MYO6: variants seen among roughly 807,000 people sequenced by gnomAD.
The protein encoded by MYO6 is unconventional myosin-VI.
A neutral mutation model predicts 178.7 loss-of-function variants in MYO6; 74 were observed. The ratio of observed to expected loss-of-function variants is 0.41; its 90% CI spans 0.34 to 0.50. The LOEUF (loss-of-function observed/expected upper bound fraction) is 0.50. Among genes scored for constraint, MYO6 ranks in the 20% least tolerant of loss-of-function variants. The pLI, the probability that MYO6 is intolerant of heterozygous loss-of-function variation, is 0.09. For missense variants in MYO6, 1,330 were observed against 1,547.4 expected (o/e 0.86, Z 2.36); for synonymous variants, 477 against 504.6 (o/e 0.95, Z 0.73).
chr6:75,838,522 A>T lies in MYO6; in HGVS notation c.554-2063A>T, dbSNP rs1773875521. ...TTCTTATCCTATTTTGGGATATTTT[A>T]CTTGTATTAAATTCTTCAGCAAAAA... On this transcript the variant is annotated intron_variant, in intron 7 of 34. Coordinates refer to ENST00000369977, the MANE Select transcript of MYO6 (RefSeq NM_004999.4). 2.0e-5 allele frequency among the ~76,000 whole-genome samples: 3 copies of T among 152,150 alleles called. No homozygotes were observed. In the South Asian group the frequency reaches 6.2e-4, roughly 32 times the overall value.
intron 29 of MYO6, 46 bp downstream of exon 29, chr6:75,895,306 T>C (rs769430950): frequency 6.9e-7 from 1 of 1,456,394 alleles, no homozygotes; most frequent in South Asian, 1.2e-5. Context: ...TGTAGATACT[T>C]TTTGGGAGTA....
At position 75,858,078 on chromosome 6, in the gene MYO6, T is replaced by A. The variant is rs192183907; in HGVS notation, c.1381+824T>A. Among the ~76,000 whole-genome samples the A allele has an allele frequency of 2.2e-5, 3 of 139,494 alleles. No homozygotes were observed. In the East Asian group the frequency reaches 6.1e-4, roughly 28 times the overall value. The allele number at this position is 139,494 out of a possible 152,430, so 91.5% of individuals were successfully genotyped here. ...GTAGAGAATTATTATTATTATTAATTTTTTTTCCTTTTCTACAACAGTTTT... is the reference window on the plus strand; with the variant it reads ...GTAGAGAATTATTATTATTATTAATATTTTTTCCTTTTCTACAACAGTTTT... On this transcript the variant is annotated intron_variant, in intron 13 of 34. Transcript: ENST00000369977.
Position 75,862,449 on chromosome 6 carries a change from C to T in MYO6, c.1547-147C>T. On this transcript the variant is annotated intron_variant, in intron 15 of 34. Coordinates refer to ENST00000369977, the MANE Select transcript of MYO6 (RefSeq NM_004999.4). ...GATTTGAAATAAAAATCCGTCAGCT[C>T]TCTATAACTTTTGAGAGAACACATA... is the stretch of plus-strand genomic sequence containing the variant. The T allele has an allele frequency of 4.1e-6, 3 of 736,422 alleles. No homozygotes were observed. The South Asian group carries it at 5.0e-5, about 12-fold the overall frequency. 45.6% of individuals were successfully genotyped at this position (736,422 alleles called of 1,614,324 possible).
intron 1 of MYO6, among the ~76,000 whole-genome samples, chr6:75,777,909 C>T (rs1182564397): frequency 6.6e-6 from 1 of 152,104 alleles, no homozygotes; most frequent in African/African-American, 2.4e-5. Flanking sequence ...TTTAATACAG[C>T]ATAGAATCAA....
chr6:75,873,232 A>G lies in MYO6; in HGVS notation c.2009A>G (p.Lys670Arg). Residue 670 changes from lysine to arginine, a missense_variant, in exon 20 of 35, where the codon AAA (lysine) becomes AGA (arginine). This residue lies in a region of MYO6 where 613 missense variants were observed against 816.8 expected (regional missense o/e 0.75). Coordinates refer to ENST00000369977, the MANE Select transcript of MYO6 (RefSeq NM_004999.4). ...GGAGCAAGCTTTATTCGTTGCATCA[A>G]ACCTAACTTAAAGATGACAAGCCAC... ...STGASFIRCI[K>R]PNLKMTSHHF... The G allele has an allele frequency of 6.2e-7, 1 of 1,614,108 alleles. No homozygotes were observed. Among genetic ancestry groups the G allele is most frequent in the Non-Finnish European group, 8.5e-7 (1 of 1,180,004 alleles).
At position 75,907,756 on chromosome 6, in the gene MYO6, G is replaced by T. The variant is rs753387227; in HGVS notation, c.3280+48G>T. On this transcript the variant is annotated intron_variant, in intron 31 of 34. Transcript: ENST00000369977. Reference sequence around the variant, plus strand: ...AAATAGAAAATGTTCATAGTGATAGGTGATAAATACCTAGATTAGGGTGAG... The same window carrying T: ...AAATAGAAAATGTTCATAGTGATAGTTGATAAATACCTAGATTAGGGTGAG... 5.6e-6 allele frequency: 8 copies of T among 1,424,694 alleles called. No individual in the cohort carries two copies. The South Asian group carries it at 9.2e-5, about 16-fold the overall frequency. 88.3% of individuals were successfully genotyped at this position (1,424,694 alleles called of 1,614,324 possible). A position where few individuals can be genotyped will look rare whatever the true frequency, so the allele number is the denominator to read the frequency against.
intron 10 of MYO6, among the ~76,000 whole-genome samples, chr6:75,845,250 C>G (rs1184292439): frequency 2.0e-5 from 3 of 152,074 alleles, no homozygotes; most frequent in African/African-American, 7.2e-5. Flanking sequence ...TATTAAATTG[C>G]CTAAGAATCA....
At chr6:75,777,545 A>C (rs1436825064) in intron 1 of MYO6, among the ~76,000 whole-genome samples, 2 of 151,782 alleles carry the variant, frequency 1.3e-5, no homozygotes, top group Non-Finnish European at 2.9e-5. Context: ...CTGGCACCTC[A>C]GTCTCCCCAG....
intron 30 of MYO6, among the ~76,000 whole-genome samples, chr6:75,901,437 C>T (rs1363744858): frequency 6.6e-6 from 1 of 152,182 alleles, no homozygotes; most frequent in Non-Finnish European, 1.5e-5. Context: ...AGAGGTCCTT[C>T]ACATCCCTTG....
intron 1 of MYO6, among the ~76,000 whole-genome samples, chr6:75,803,837 T>C (rs1769729550): frequency 6.6e-6 from 1 of 152,208 alleles, no homozygotes; most frequent in Non-Finnish European, 1.5e-5. Flanking sequence ...CCAAATTTTG[T>C]ACAACTAGCT....
chr6:75,871,573 A>G (rs994854404), intron 19 of MYO6, among the ~76,000 whole-genome samples: 2 of 152,122 alleles, frequency 1.3e-5, no homozygotes, highest in African/African-American at 2.4e-5. Flanking sequence ...TCTTTTTCAA[A>G]TAGTCATTTT....
At chr6:75,781,546 G>T (rs1480362285) in intron 1 of MYO6, among the ~76,000 whole-genome samples, 1 of 152,114 alleles carries the variant, frequency 6.6e-6, no homozygotes. Flanking sequence ...CTCTGCTGGG[G>T]ATAACTCAGC....
At chr6:75,803,511 T>A (rs534361903) in intron 1 of MYO6, among the ~76,000 whole-genome samples, 40 of 152,298 alleles carry the variant, frequency 2.6e-4, no homozygotes, top group African/African-American at 8.7e-4. Flanking sequence ...GAATGGACAT[T>A]TGTCTTATTT....
rs1310070476 is a variant in MYO6 at position 75,914,147 on chromosome 6, T to C, written c.3524T>C (p.Phe1175Ser). The C allele has an allele frequency of 6.2e-7, 1 of 1,614,116 alleles. No homozygotes were observed. The highest frequency in any genetic ancestry group is 1.1e-5 in the South Asian group (1 of 91,078). ...NRQQRFFRIP[F>S]IRPADQYKDP... ...CAGCAACGCTTCTTCCGCATCCCAT[T>C]CATCCGCCCTGCCGACCAGTACAAA... The change falls in exon 34 of 35, where the codon TTC becomes TCC. Residue 1175 changes from phenylalanine (F) to serine (S), a missense_variant. Phe to Ser is a radical substitution (Grantham distance 155, BLOSUM62 -2). This residue lies in a region of MYO6 where 601 missense variants were observed against 626.1 expected (regional missense o/e 0.96). Transcript: ENST00000369977.
At chr6:75,804,915 T>C (rs1437067722) in intron 1 of MYO6, among the ~76,000 whole-genome samples, 5 of 146,468 alleles carry the variant, frequency 3.4e-5, no homozygotes, top group Admixed American at 2.8e-4. Context: ...TATACACACA[T>C]ATATAATATA....
At position 75,848,519 on chromosome 6, in the gene MYO6, G is replaced by A; in HGVS notation, c.1066G>A (p.Gly356Ser). The A allele has an allele frequency of 6.2e-7, 1 of 1,613,256 alleles. No homozygotes were observed. Among genetic ancestry groups the A allele is most frequent in the African/African-American group, 1.3e-5 (1 of 74,900 alleles). The change falls in exon 11 of 35, where the codon GGC (glycine) becomes AGC (serine). Residue 356 changes from glycine (G) to serine (S), a missense_variant. By Grantham distance (56) the Gly-to-Ser change is moderately conservative (BLOSUM62 0). Around this residue, in one of 3 missense-constraint regions of MYO6, gnomAD observed 613 missense variants for 816.8 expected, o/e 0.75. Transcript: ENST00000369977. ...TGGAAATATTGATTTTGAGGAAGCT[G>A]GCAGCACTTCAGGTTTGCTTTTTAT... is the stretch of plus-strand genomic sequence containing the variant. ...HLGNIDFEEA[G>S]STSGGCNLKN...
In MYO6 at chr6:75,892,666, C is replaced by T. The variant is rs1778992118; in HGVS notation, c.3083C>T (p.Ala1028Val). Residue 1028 changes from alanine to valine, a missense_variant, in exon 28 of 35, where the codon GCC becomes GTC. Transcript: ENST00000369977. ...QSEAELISDE[A>V]QADLALRRND... ...GAAGCCGAGCTCATCAGTGATGAGG[C>T]CCAGGCCGACCTGGCGCTGCGGAGG... 1 of 1,612,438 alleles carries T rather than the reference C, an allele frequency of 6.2e-7. No homozygotes were observed. Among genetic ancestry groups the T allele is most frequent in the South Asian group, 1.1e-5 (1 of 91,002 alleles).
Position 75,810,804 on chromosome 6 carries a change from TGAGGAGAGGCCTCA to T in MYO6, c.-47-6690_-47-6677del, listed in dbSNP as rs1248350408. Among the ~76,000 whole-genome samples, 4 of 152,272 alleles carry T rather than the reference TGAGGAGAGGCCTCA, an allele frequency of 2.6e-5. No homozygotes were observed. In the East Asian group the frequency reaches 7.7e-4, roughly 29 times the overall value. On this transcript the variant is annotated intron_variant, in intron 1 of 34. Transcript: ENST00000369977. ...GGCCAAGGTTGAGGCCTAGCCTAGT[TGAGGAGAGGCCTCA>T]GAGGAGCCTAATTAAAGTTGGTTGG...
chr6:75,862,315 TCTC>T (rs1230335911), intron 15 of MYO6, among the ~76,000 whole-genome samples: 4 of 152,222 alleles, frequency 2.6e-5, no homozygotes, highest in African/African-American at 7.2e-5. Context: ...CTTAGCCTCT[TCTC>T]CTGGTTTACA....
Sources: gnomAD v4.1 joint callset for allele counts (sites outside exome capture counted in the v4.1 genomes callset) on GRCh38, gnomAD v4.1.1 for gene constraint, gnomAD v4.1.1 regional missense constraint, MANE v1.5 for transcripts, NCBI Gene and HGNC (gene_info 2026-07-23, HGNC 2026-07-21) for gene names.